The following SPATS2L variants were observed in gnomAD, a reference collection of about 807,000 sequenced individuals.
The protein encoded by SPATS2L is SPATS2-like protein.
In SPATS2L, 30 loss-of-function variants were observed where a neutral mutation model predicts 59.6. That is an observed-to-expected ratio of 0.50 (90% CI 0.38 to 0.68). The LOEUF is 0.68. Ranked by LOEUF, SPATS2L falls within the 30% of genes least tolerant of loss-of-function variation. The pLI is 0.00. For synonymous variants in SPATS2L, 252 were observed against 263.5 expected, an observed-to-expected ratio of 0.96 and a Z score of 0.42; for missense variants, 615 against 700.0, an observed-to-expected ratio of 0.88 and a Z score of 1.37.
At chr2:200,463,352 A>C (rs759035137) in intron 9 of SPATS2L, 1 of 152,186 alleles carries the variant, frequency 6.6e-6, no homozygotes, top group Non-Finnish European at 1.5e-5. Context: ...CACCTAACCC[A>C]GTGCTGAGAA....
intron 2 of SPATS2L, among the ~76,000 whole-genome samples, chr2:200,348,490 C>T (rs1337103315): frequency 6.6e-6 from 1 of 152,140 alleles, no homozygotes; most frequent in African/African-American, 2.4e-5. Context: ...CCTTTAAAGC[C>T]ACGGGACACG....
intron 3 of SPATS2L, among the ~76,000 whole-genome samples, chr2:200,391,597 G>A (rs571833075): frequency 1.1e-4 from 16 of 152,338 alleles, no homozygotes; most frequent in African/African-American, 3.8e-4. Flanking sequence ...AAGGTTTTAA[G>A]CTGGAATATG....
chr2:200,414,795 C>T (rs769924882), intron 4 of SPATS2L, among the ~76,000 whole-genome samples: 13 of 152,170 alleles, frequency 8.5e-5, no homozygotes, highest in Non-Finnish European at 1.9e-4. Context: ...TCAAAATCCT[C>T]TGTAAATATG....
At chr2:200,380,350 C>G (rs1167361568) in intron 2 of SPATS2L, among the ~76,000 whole-genome samples, 2 of 152,224 alleles carry the variant, frequency 1.3e-5, no homozygotes, top group Non-Finnish European at 2.9e-5. Flanking sequence ...GTGTTCTGCT[C>G]TGCCGTGTAC....
In SPATS2L at chr2:200,419,470, C is replaced by G. The variant is rs2083215851; in HGVS notation, c.419C>G (p.Pro140Arg). The G allele has an allele frequency of 6.2e-7, 1 of 1,613,788 alleles. No homozygotes were observed. Among genetic ancestry groups the G allele is most frequent in the Non-Finnish European group, 8.5e-7 (1 of 1,179,870 alleles). ...AAAAAGATCTCGATACTTGAGGAAC[C>G]TTCAAAGGCACTTCGTGGGGTCACA... ...REKKISILEE[P>R]SKALRGVTEG... The change falls in exon 6 of 13, where the codon CCT becomes CGT. Residue 140 changes from proline (P) to arginine (R), a missense_variant. Around this residue, in one of 3 missense-constraint regions of SPATS2L, gnomAD observed 227 missense variants for 257.4 expected, o/e 0.88. Transcript: ENST00000409140.
intron 9 of SPATS2L, among the ~76,000 whole-genome samples, chr2:200,462,407 C>G (rs2086302487): frequency 6.6e-6 from 1 of 152,208 alleles, no homozygotes. Flanking sequence ...AGAGCCTGCA[C>G]TCACCAAGCT....
rs750457477 is a variant in SPATS2L at position 200,455,464 on chromosome 2, G to A, written c.789-4305G>A. ...TCCTCCTGGGATGTCAGGAAGCTTA[G>A]ATGAGATCATTCCAGGAAGGCACTG... is the stretch of plus-strand genomic sequence containing the variant. On this transcript the variant is annotated intron_variant, in intron 8 of 12. Transcript: ENST00000409140. Among the ~76,000 whole-genome samples, 12 of 152,214 alleles carry A rather than the reference G, an allele frequency of 7.9e-5. 1 individual carries two copies. Among genetic ancestry groups the A allele is most frequent in the Admixed American group, 7.9e-4 (12 of 15,284 alleles).
intron 3 of SPATS2L, among the ~76,000 whole-genome samples, chr2:200,402,822 C>T (rs1248042926): frequency 6.6e-6 from 1 of 152,182 alleles, no homozygotes. Flanking sequence ...CCATGGCCTA[C>T]ACAAAATTCA....
chr2:200,454,784 A>G (rs185910016), intron 8 of SPATS2L, among the ~76,000 whole-genome samples: 72 of 152,324 alleles, frequency 4.7e-4, no homozygotes, highest in Non-Finnish European at 5.0e-4. Flanking sequence ...TTTATGTAGA[A>G]CACGTTTGAC....
At chr2:200,332,973 A>G (rs2080001440) in intron 2 of SPATS2L, among the ~76,000 whole-genome samples, 1 of 152,154 alleles carries the variant, frequency 6.6e-6, no homozygotes, top group African/African-American at 2.4e-5. Flanking sequence ...TATATCCCAC[A>G]GACATGATGT....
chr2:200,423,276 T>C (rs1358874924), intron 6 of SPATS2L, among the ~76,000 whole-genome samples: 2 of 152,214 alleles, frequency 1.3e-5, no homozygotes, highest in Non-Finnish European at 2.9e-5. Flanking sequence ...CATCAGAAAG[T>C]TGATGGCAAA....
chr2:200,476,151 C>T (rs1475338252), intron 12 of SPATS2L, among the ~76,000 whole-genome samples: 1 of 152,150 alleles, frequency 6.6e-6, no homozygotes, highest in Non-Finnish European at 1.5e-5. Flanking sequence ...TAATCCATTG[C>T]GTCCTTACTG....
intron 12 of SPATS2L, among the ~76,000 whole-genome samples, chr2:200,475,093 G>A (rs994324705): frequency 5.3e-5 from 8 of 152,186 alleles, no homozygotes; most frequent in African/African-American, 1.9e-4. Flanking sequence ...ACACCCATCC[G>A]CTGGAAGGGT....
At chr2:200,415,185 C>T (rs2083013790) in intron 4 of SPATS2L, among the ~76,000 whole-genome samples, 1 of 152,148 alleles carries the variant, frequency 6.6e-6, no homozygotes, top group Non-Finnish European at 1.5e-5. Context: ...TAGGTGCAGT[C>T]TTATTATTTC....
intron 2 of SPATS2L, chr2:200,373,178 T>A (rs977794614): frequency 6.6e-6 from 1 of 151,222 alleles, no homozygotes; most frequent in Non-Finnish European, 1.5e-5. Flanking sequence ...CTAACTACGT[T>A]GGTCTGATGG....
chr2:200,425,572 C>T (rs921994515), intron 6 of SPATS2L, among the ~76,000 whole-genome samples: 2 of 152,142 alleles, frequency 1.3e-5, no homozygotes, highest in African/African-American at 4.8e-5. Context: ...AACATTCGTC[C>T]ACTTTACAAT....
intron 12 of SPATS2L, among the ~76,000 whole-genome samples, chr2:200,475,908 G>T (rs17447877): frequency 6.6e-6 from 1 of 152,110 alleles, no homozygotes; most frequent in African/African-American, 2.4e-5. Flanking sequence ...TATATAAAGC[G>T]GGAATAGCTC....
At chr2:200,384,846 T>C (rs2081941340) in intron 2 of SPATS2L, among the ~76,000 whole-genome samples, 1 of 152,206 alleles carries the variant, frequency 6.6e-6, no homozygotes, top group African/African-American at 2.4e-5. Flanking sequence ...GAAATCTAAA[T>C]TGCAATTTTT....
chr2:200,468,304 G>A (rs1304572237), intron 10 of SPATS2L, among the ~76,000 whole-genome samples: 2 of 119,834 alleles, frequency 1.7e-5, no homozygotes, highest in Non-Finnish European at 3.5e-5. Flanking sequence ...AAAATAGGAA[G>A]AAATTTTAAA....
Sources: gnomAD v4.1 joint callset for allele counts (sites outside exome capture counted in the v4.1 genomes callset) on GRCh38, gnomAD v4.1.1 for gene constraint, gnomAD v4.1.1 regional missense constraint, MANE v1.5 for transcripts, NCBI Gene and HGNC (gene_info 2026-07-23, HGNC 2026-07-21) for gene names.